The following JHY variants were observed in gnomAD, a reference collection of about 807,000 sequenced individuals.
The protein encoded by JHY is junctional cadherin complex regulator.
In JHY, 69 loss-of-function variants were observed where a neutral mutation model predicts 78.0. The ratio of observed to expected loss-of-function variants is 0.88; its 90% confidence interval spans 0.73 to 1.08. JHY has a LOEUF of 1.08. Ranked by LOEUF, JHY falls within the 50% of genes least tolerant of loss-of-function variation. JHY has a pLI of 0.00. For synonymous variants in JHY, 368 were observed against 342.6 expected (o/e 1.07, Z -0.82); for missense variants, 944 against 927.8 (o/e 1.02, Z -0.23).
At chr11:122,946,885 A>G in intron 6 of JHY, 93 bp downstream of exon 6, 2 of 1,438,206 alleles carry the variant, frequency 1.4e-6, no homozygotes, top group African/African-American at 1.4e-5. Context: ...AGGGATGGTC[A>G]TTACTGAGTT....
At chr11:122,912,260 C>CT (rs1863145905) in intron 3 of JHY, among the ~76,000 whole-genome samples, 1 of 147,216 alleles carries the variant, frequency 6.8e-6, no homozygotes, top group Admixed American at 6.9e-5. Context: ...GCACTCCAGC[C>CT]TAGGTGACAG....
chr11:122,954,725 T>C (rs1257393929), intron 6 of JHY, among the ~76,000 whole-genome samples: 2 of 152,048 alleles, frequency 1.3e-5, no homozygotes, highest in East Asian at 1.9e-4. Context: ...TGAAACCAAC[T>C]TGGGCAACAT....
At position 122,960,527 on chromosome 11, in the gene JHY, A is replaced by G; in HGVS notation, c.*1082A>G. The G allele has an allele frequency of 4.3e-6, 1 of 234,440 alleles. No individual in the cohort carries two copies. Among genetic ancestry groups the G allele is most frequent in the Non-Finnish European group, 8.9e-6 (1 of 111,782 alleles). 14.5% of individuals were successfully genotyped at this position (234,440 alleles called of 1,614,324 possible). On this transcript the variant is annotated 3_prime_UTR_variant, in exon 9 of 9. Coordinates refer to ENST00000227349, the MANE Select transcript of JHY (RefSeq NM_024806.4). ...GGCTGATCCCTGAGGAATTCTTCCA[A>G]TTTCTTTATCCTGAAACCAGTGTAA... is the stretch of plus-strand genomic sequence containing the variant.
chr11:122,934,622 C>T lies in JHY; in HGVS notation c.1181C>T (p.Pro394Leu). Residue 394 changes from proline (P) to leucine (L), a missense_variant, in exon 5 of 9, where the codon CCT (proline) becomes CTT (leucine). Transcript: ENST00000227349. ...VTASQGNQNNPPRQQQNQNKP... is the reference protein window; with the variant it reads ...VTASQGNQNNLPRQQQNQNKP... Reference sequence around the variant, plus strand: ...GCCAGTCAGGGGAACCAGAATAACCCTCCCAGGCAGCAACAAAACCAAAAT... The same window carrying T: ...GCCAGTCAGGGGAACCAGAATAACCTTCCCAGGCAGCAACAAAACCAAAAT... The T allele has an allele frequency of 6.2e-7, 1 of 1,614,104 alleles. No homozygotes were observed. Among genetic ancestry groups the T allele is most frequent in the Non-Finnish European group, 8.5e-7 (1 of 1,180,016 alleles).
At chr11:122,952,891 A>C (rs1185581953) in intron 6 of JHY, among the ~76,000 whole-genome samples, 1 of 152,264 alleles carries the variant, frequency 6.6e-6, no homozygotes, top group South Asian at 2.1e-4. Flanking sequence ...ACAACCATAC[A>C]GATGGCATAC....
At chr11:122,903,764 G>A (rs139674880) in intron 2 of JHY, among the ~76,000 whole-genome samples, 161 bp from the exon 3 acceptor site, 335 of 152,274 alleles carry the variant, frequency 2.2e-3, no homozygotes, top group African/African-American at 7.9e-3. Flanking sequence ...TTACAGGTAT[G>A]AGCCACTGCA....
intron 3 of JHY, among the ~76,000 whole-genome samples, chr11:122,908,770 C>T (rs530045391): frequency 2.6e-5 from 4 of 152,284 alleles, no homozygotes; most frequent in African/African-American, 9.6e-5. Flanking sequence ...ACTATCTCAG[C>T]TCATTGCAGC....
rs1440718411 is a variant in JHY at position 122,915,700 on chromosome 11, G to GCA, written c.865-9196_865-9195dup. On this transcript the variant is annotated intron_variant, in intron 3 of 8. Transcript: ENST00000227349. ...GCTAAGTTTCATATTTTTAGTAGAGGCAGGGGTTTCACCATGTTGGCCAGG... is the reference window on the plus strand; with the variant it reads ...GCTAAGTTTCATATTTTTAGTAGAGGCACAGGGGTTTCACCATGTTGGCCAGG... Among the ~76,000 whole-genome samples, 3 of 151,952 alleles carry GCA rather than the reference G, an allele frequency of 2.0e-5. No individual in the cohort carries two copies. The East Asian group carries it at 5.8e-4, about 29-fold the overall frequency.
In JHY at chr11:122,885,951, C is replaced by T; in HGVS notation, c.102C>T (p.Asp34=). The T allele has an allele frequency of 6.2e-7, 1 of 1,614,146 alleles. No individual in the cohort carries two copies. The highest frequency in any genetic ancestry group is 8.5e-7 in the Non-Finnish European group (1 of 1,180,000). ...CACACCCACCTTTGAAGAAAGAAGA[C>T]TTACATCGGATTTCAAAAGACTCCT... ...QSTHPPLKKE[D]LHRISKDSLE... is the part of the protein sequence containing the mutation. Residue 34 remains aspartate (D), a synonymous_variant, in exon 2 of 9, where the codon GAC becomes GAT. Coordinates refer to ENST00000227349, the MANE Select transcript of JHY (RefSeq NM_024806.4).
At chr11:122,939,185 A>T (rs1863820189) in intron 5 of JHY, among the ~76,000 whole-genome samples, 1 of 151,910 alleles carries the variant, frequency 6.6e-6, no homozygotes, top group Admixed American at 6.6e-5. Flanking sequence ...ACAGGGTTTC[A>T]CCATGTTGGC....
In JHY at chr11:122,898,797, C is replaced by G. The variant is rs1009118237; in HGVS notation, c.345-5128C>G. Among the ~76,000 whole-genome samples the G allele has an allele frequency of 2.0e-5, 3 of 152,166 alleles. No individual in the cohort carries two copies. The highest frequency in any genetic ancestry group is 1.3e-4 in the Admixed American group (2 of 15,270). On this transcript the variant is annotated intron_variant, in intron 2 of 8. Transcript: ENST00000227349. This position sits in a 1 kb window ranked among gnomAD's most constrained non-coding sequence, Gnocchi z 4.4. The stretch of plus-strand genomic sequence containing the variant: ...ACTCTCTGGTTAATTTTGTTAAGCC[C>G]GAGCTGCTTCAAGTGTTTGCAACGT...
intron 2 of JHY, among the ~76,000 whole-genome samples, chr11:122,887,909 G>A (rs1862530103): frequency 6.6e-6 from 1 of 152,194 alleles, no homozygotes; most frequent in African/African-American, 2.4e-5. Context: ...TACCACAGAT[G>A]AGGATATTGA....
rs541295245 is a variant in JHY, at chr11:122,904,235, G to A, written c.655G>A (p.Glu219Lys). Reference protein sequence around the residue: ...PFSELSDSDLEEKSSSLSPYV... With the variant: ...PFSELSDSDLKEKSSSLSPYV... ...TTCAGAGCTGAGCGACAGTGACCTG[G>A]AGGAGAAGTCGAGCAGCCTTTCTCC... Residue 219 changes from glutamate (E) to lysine (K), a missense_variant, in exon 3 of 9, where the codon GAG becomes AAG. Physicochemically the swap from Glu to Lys is moderately conservative, Grantham distance 56 (BLOSUM62 1). Coordinates refer to ENST00000227349, the MANE Select transcript of JHY (RefSeq NM_024806.4). 1.2e-6 allele frequency: 2 copies of A among 1,612,870 alleles called. No individual in the cohort carries two copies. Among genetic ancestry groups the A allele is most frequent in the South Asian group, 2.2e-5 (2 of 90,786 alleles).
At position 122,882,901 on chromosome 11, in the gene JHY, G is replaced by GGGC. The variant is rs955093480; in HGVS notation, c.-144_-142dup. 31 of 151,912 alleles carry GGGC rather than the reference G, an allele frequency of 2.0e-4. No homozygotes were observed. Among genetic ancestry groups the GGGC allele is most frequent in the South Asian group, 7.0e-4 (4 of 5,674 alleles). 9.4% of individuals were successfully genotyped at this position (151,912 alleles called of 1,614,324 possible). On this transcript the variant is annotated 5_prime_UTR_variant, in exon 1 of 9. Coordinates refer to ENST00000227349, the MANE Select transcript of JHY (RefSeq NM_024806.4). ...GCAGCGCCGGGGCGGGCGGGGGCCCGGGCGGCGGCGGCGGCGGCGCGGGAG... is the reference window on the plus strand; with the variant it reads ...GCAGCGCCGGGGCGGGCGGGGGCCCGGGCGGCGGCGGCGGCGGCGGCGCGGGAG...
rs748436026 is a variant in JHY, at chr11:122,959,484, A to G, written c.*39A>G. 6.3e-7 allele frequency: 1 copy of G among 1,588,146 alleles called. No individual in the cohort carries two copies. The highest frequency in any genetic ancestry group is 1.4e-5 in the African/African-American group (1 of 74,044). On this transcript the variant is annotated 3_prime_UTR_variant, in exon 9 of 9. Coordinates refer to ENST00000227349, the MANE Select transcript of JHY (RefSeq NM_024806.4). ...GGAAGGAGACCAAAAATGGTCCAGG[A>G]ATGAACGTGGAGAAAAGAAACGCCA...
intron 3 of JHY, among the ~76,000 whole-genome samples, chr11:122,910,944 G>A (rs138454309): frequency 3.3e-5 from 5 of 152,254 alleles, no homozygotes; most frequent in Admixed American, 6.5e-5. Flanking sequence ...TGTGTGAAGC[G>A]AGGAACCGAT....
intron 4 of JHY, among the ~76,000 whole-genome samples, chr11:122,931,397 C>G (rs1184266315): frequency 6.6e-6 from 1 of 152,054 alleles, no homozygotes; most frequent in Non-Finnish European, 1.5e-5. Context: ...TCCTGATTAA[C>G]CTTTCCAAAA....
At position 122,904,211 on chromosome 11, in the gene JHY, T is replaced by C. The variant is rs1253757842; in HGVS notation, c.631T>C (p.Ser211Pro). 6.2e-7 allele frequency: 1 copy of C among 1,614,180 alleles called. No homozygotes were observed. The highest frequency in any genetic ancestry group is 8.5e-7 in the Non-Finnish European group (1 of 1,180,030). ...TGGTGCCCGTCGCAGCAAGCCGTTTTCAGAGCTGAGCGACAGTGACCTGGA... is the reference window on the plus strand; with the variant it reads ...TGGTGCCCGTCGCAGCAAGCCGTTTCCAGAGCTGAGCGACAGTGACCTGGA... ...EHGARRSKPF[S>P]ELSDSDLEEK... Residue 211 changes from serine to proline, a missense_variant, in exon 3 of 9, where the codon TCA becomes CCA. Ser to Pro is a moderately conservative substitution (Grantham distance 74). Transcript: ENST00000227349.
chr11:122,960,951 A>G lies in JHY; in HGVS notation c.*1506A>G. ...CTATCATATATCTGTGCAGAACATGATGCGTTGAAAGGAACAAGAGCACAT... is the reference window on the plus strand; with the variant it reads ...CTATCATATATCTGTGCAGAACATGGTGCGTTGAAAGGAACAAGAGCACAT... On this transcript the variant is annotated 3_prime_UTR_variant, in exon 9 of 9. Coordinates refer to ENST00000227349, the MANE Select transcript of JHY (RefSeq NM_024806.4). The G allele has an allele frequency of 1.4e-6, 1 of 730,664 alleles. No homozygotes were observed. Among genetic ancestry groups the G allele is most frequent in the Non-Finnish European group, 2.6e-6 (1 of 388,728 alleles). 45.3% of individuals were successfully genotyped at this position (730,664 alleles called of 1,614,324 possible).
Sources: allele counts gnomAD v4.1 joint callset (sites outside exome capture counted in the v4.1 genomes callset), GRCh38; gene constraint gnomAD v4.1.1; non-coding constraint Gnocchi (gnomAD v3.1); transcripts MANE v1.5; gene names NCBI Gene and HGNC (gene_info 2026-07-23, HGNC 2026-07-21).